EME2: variants seen among roughly 807,000 people sequenced by gnomAD.
EME2 encodes structure-specific endonuclease subunit EME2.
A neutral mutation model predicts 41.9 loss-of-function variants in EME2; 58 were observed. That is an observed-to-expected ratio of 1.38 (90% CI 1.12 to 1.72). The LOEUF (loss-of-function observed/expected upper bound fraction) is 1.72, where lower values mean the gene tolerates loss of function less well. EME2 is among the 40% of genes most tolerant of loss of function. The pLI, the probability that EME2 is intolerant of heterozygous loss-of-function variation, is 0.00. For synonymous variants in EME2, 334 were observed against 239.3 expected (o/e 1.40, Z -3.65); for missense variants, 695 against 541.9 (o/e 1.28, Z -2.81).
At chr16:1,773,910 G>C in intron 2 of EME2, 69 bp downstream of exon 2, 1 of 1,473,556 alleles carries the variant, frequency 6.8e-7, no homozygotes, top group Non-Finnish European at 9.0e-7. Flanking sequence ...TTCAGCCCTG[G>C]AGCTGTCCCT....
chr16:1,774,255 C>T lies in EME2; in HGVS notation c.385-5C>T. 2 of 1,612,348 alleles carry T rather than the reference C, an allele frequency of 1.2e-6. No individual in the cohort carries two copies. The highest frequency in any genetic ancestry group is 1.1e-5 in the South Asian group (1 of 91,070). On this transcript the variant is annotated splice_region_variant and splice_polypyrimidine_tract_variant and intron_variant, in intron 2 of 7. Coordinates refer to ENST00000568449, the MANE Select transcript of EME2 (RefSeq NM_001257370.2). ...AGGCAGCAGCGCGTCCCCATGTCCC[C>T]ACAGCTGCCTCCTGAAGTGTGGGCT...
Position 1,778,723 on chromosome 16 carries a change from G to T in EME2, c.*2485G>T. On this transcript the variant is annotated 3_prime_UTR_variant, in exon 8 of 8. Coordinates refer to ENST00000568449, the MANE Select transcript of EME2 (RefSeq NM_001257370.2). ...CTGACCCACCCAGGAAAGGATGGGG[G>T]TCCAGGCCTCCAGGGACTTCACAGT... The T allele has an allele frequency of 8.0e-7, 1 of 1,254,868 alleles. No individual in the cohort carries two copies. The highest frequency in any genetic ancestry group is 1.1e-6 in the Non-Finnish European group (1 of 930,274). The allele number at this position is 1,254,868 out of a possible 1,614,324, so 77.7% of individuals were successfully genotyped here. A position where few individuals can be genotyped will look rare whatever the true frequency, so the allele number is the denominator to read the frequency against.
chr16:1,774,264 C>T lies in EME2; in HGVS notation c.389C>T (p.Pro130Leu), dbSNP rs780342111. The T allele has an allele frequency of 4.3e-6, 7 of 1,612,560 alleles. No individual in the cohort carries two copies. Among genetic ancestry groups the T allele is most frequent in the Admixed American group, 1.7e-5 (1 of 60,000 alleles). ...ASPDPCPRSL[P>L]PEVWAAGEQE... ...CGCGTCCCCATGTCCCCACAGCTGC[C>T]TCCTGAAGTGTGGGCTGCAGGTGAA... is the stretch of plus-strand genomic sequence containing the variant. Residue 130 changes from proline to leucine, a missense_variant, in exon 3 of 8, where the codon CCT becomes CTT. By Grantham distance (98) the Pro-to-Leu change is moderately conservative (BLOSUM62 -3). Transcript: ENST00000568449.
Position 1,773,167 on chromosome 16 carries a change from C to G in EME2, c.-61C>G, listed in dbSNP as rs1386845909. 7.1e-7 allele frequency: 1 copy of G among 1,412,000 alleles called. No homozygotes were observed. The highest frequency in any genetic ancestry group is 9.2e-7 in the Non-Finnish European group (1 of 1,090,466). The allele number at this position is 1,412,000 out of a possible 1,614,324, so 87.5% of individuals were successfully genotyped here. Reference sequence around the variant, plus strand: ...TCCGGCCGGAAGTCACCGGAAGAGGCCGGTGTCCCAGGCTAAAGTGTTCGG... The same window carrying G: ...TCCGGCCGGAAGTCACCGGAAGAGGGCGGTGTCCCAGGCTAAAGTGTTCGG... On this transcript the variant is annotated 5_prime_UTR_variant, in exon 1 of 8. Coordinates refer to ENST00000568449, the MANE Select transcript of EME2 (RefSeq NM_001257370.2).
In EME2 at chr16:1,776,493, C is replaced by T. The variant is rs1567228847; in HGVS notation, c.*255C>T. 2.2e-6 allele frequency: 1 copy of T among 457,658 alleles called. No homozygotes were observed. The highest frequency in any genetic ancestry group is 3.9e-6 in the Non-Finnish European group (1 of 256,362). 28.3% of individuals were successfully genotyped at this position (457,658 alleles called of 1,614,324 possible). ...AACACGTAGGCCCCAGGGGAGGCCT[C>T]AGCAGCAGGGCTGTGCCCCCCCAAC... On this transcript the variant is annotated 3_prime_UTR_variant, in exon 8 of 8. Transcript: ENST00000568449.
At position 1,775,369 on chromosome 16, in the gene EME2, C is replaced by T. The variant is rs373784892; in HGVS notation, c.624C>T (p.Ala208=). 9.9e-6 allele frequency: 16 copies of T among 1,610,326 alleles called. No homozygotes were observed. The highest frequency in any genetic ancestry group is 4.0e-5 in the African/African-American group (3 of 74,924). Residue 208 remains alanine (A), a synonymous_variant, in exon 5 of 8, where the codon GCC becomes GCT. Coordinates refer to ENST00000568449, the MANE Select transcript of EME2 (RefSeq NM_001257370.2). ...GTQQPESPKV[A]GAEVAVSWPE... is the part of the protein sequence containing the mutation. ...AGCAGCCAGAGAGCCCGAAGGTGGC[C>T]GGTGCCGAGGTGGCCGTCAGCTGGC...
In EME2 at chr16:1,776,296, G is replaced by A; in HGVS notation, c.*58G>A. On this transcript the variant is annotated 3_prime_UTR_variant, in exon 8 of 8. Transcript: ENST00000568449. ...CTTGGGGACAGACCAGACACCCTGG[G>A]CGGTGGGGGAGGACCCCCAGCCACA... 2 of 1,571,618 alleles carry A rather than the reference G, an allele frequency of 1.3e-6. No homozygotes were observed. The highest frequency in any genetic ancestry group is 1.7e-6 in the Non-Finnish European group (2 of 1,150,828).
In EME2 at chr16:1,776,334, G is replaced by A. The variant is rs1482145804; in HGVS notation, c.*96G>A. Reference sequence around the variant, plus strand: ...ACCCCCAGCCACATGTGGACCCTCAGCCTGGGTGGGTTCTCTGGCTGAGCA... The same window carrying A: ...ACCCCCAGCCACATGTGGACCCTCAACCTGGGTGGGTTCTCTGGCTGAGCA... On this transcript the variant is annotated 3_prime_UTR_variant, in exon 8 of 8. Coordinates refer to ENST00000568449, the MANE Select transcript of EME2 (RefSeq NM_001257370.2). The A allele has an allele frequency of 1.5e-6, 2 of 1,318,564 alleles. No homozygotes were observed. Among genetic ancestry groups the A allele is most frequent in the Admixed American group, 3.9e-5 (2 of 50,800 alleles). 81.7% of individuals were successfully genotyped at this position (1,318,564 alleles called of 1,614,324 possible).
chr16:1,773,191 G>C lies in EME2; in HGVS notation c.-37G>C. The C allele has an allele frequency of 7.0e-7, 1 of 1,435,038 alleles. No individual in the cohort carries two copies. Among genetic ancestry groups the C allele is most frequent in the Non-Finnish European group, 9.1e-7 (1 of 1,103,176 alleles). 88.9% of individuals were successfully genotyped at this position (1,435,038 alleles called of 1,614,324 possible). On this transcript the variant is annotated 5_prime_UTR_variant, in exon 1 of 8. Coordinates refer to ENST00000568449, the MANE Select transcript of EME2 (RefSeq NM_001257370.2). Reference sequence around the variant, plus strand: ...GCCGGTGTCCCAGGCTAAAGTGTTCGGTCGCGGCCGGAAGCGAGGAAGAGG... The same window carrying C: ...GCCGGTGTCCCAGGCTAAAGTGTTCCGTCGCGGCCGGAAGCGAGGAAGAGG...
In EME2 at chr16:1,776,464, C is replaced by T; in HGVS notation, c.*226C>T. ...ATGGCTGGCGGTTCCTGTGCTGAGT[C>T]CTGAACACGTAGGCCCCAGGGGAGG... On this transcript the variant is annotated 3_prime_UTR_variant, in exon 8 of 8. Transcript: ENST00000568449. 1.9e-6 allele frequency: 1 copy of T among 527,352 alleles called. No individual in the cohort carries two copies. The allele number at this position is 527,352 out of a possible 1,614,324, so 32.7% of individuals were successfully genotyped here.
rs1355642448 is a variant in EME2, at chr16:1,778,078, G to T, written c.*1840G>T. 6.2e-7 allele frequency: 1 copy of T among 1,612,906 alleles called. No individual in the cohort carries two copies. Among genetic ancestry groups the T allele is most frequent in the East Asian group, 2.2e-5 (1 of 44,894 alleles). On this transcript the variant is annotated 3_prime_UTR_variant, in exon 8 of 8. Transcript: ENST00000568449. Reference sequence around the variant, plus strand: ...GAACAGGGGCCAGGCAGAGGGCGCGGGGCTGGGCTGCCGGAGCCAGGTTCC... The same window carrying T: ...GAACAGGGGCCAGGCAGAGGGCGCGTGGCTGGGCTGCCGGAGCCAGGTTCC...
At chr16:1,774,908 GA>G (rs1176267200) in intron 3 of EME2, 132 bp from the exon 4 acceptor site, 8 of 751,156 alleles carry the variant, frequency 1.1e-5, no homozygotes, top group Non-Finnish European at 1.8e-5. Context: ...AGGGGTAACG[GA>G]ACAGAGGCTC....
rs752266761 is a variant in EME2 at position 1,774,338 on chromosome 16, G to A, written c.463G>A (p.Ala155Thr). 36 of 1,612,536 alleles carry A rather than the reference G, an allele frequency of 2.2e-5. No homozygotes were observed. Among genetic ancestry groups the A allele is most frequent in the Middle Eastern group, 1.6e-4 (1 of 6,082 alleles). ...GCCCGAGGAGTTTCTGCAGGGCGTCGCCACACTGACCCAGGTGCTCGGGTG... is the reference window on the plus strand; with the variant it reads ...GCCCGAGGAGTTTCTGCAGGGCGTCACCACACTGACCCAGGTGCTCGGGTG... ...LEPEEFLQGV[A>T]TLTQISGPTH... The change falls in exon 3 of 8, where the codon GCC becomes ACC. Residue 155 changes from alanine (A) to threonine (T), a missense_variant. Coordinates refer to ENST00000568449, the MANE Select transcript of EME2 (RefSeq NM_001257370.2).
Position 1,778,681 on chromosome 16 carries a change from C to T in EME2, c.*2443C>T. 1 of 1,471,258 alleles carries T rather than the reference C, an allele frequency of 6.8e-7. No individual in the cohort carries two copies. The highest frequency in any genetic ancestry group is 9.0e-7 in the Non-Finnish European group (1 of 1,112,264). 91.1% of individuals were successfully genotyped at this position (1,471,258 alleles called of 1,614,324 possible). The stretch of plus-strand genomic sequence containing the variant: ...TACCCTCTCACCCTTGCCCTCTGTC[C>T]CTGTCCCACCCTGTCCCTGACCCAC... On this transcript the variant is annotated 3_prime_UTR_variant, in exon 8 of 8. Transcript: ENST00000568449.
intron 2 of EME2, 68 bp downstream of exon 2, chr16:1,773,909 G>C (rs920562527): frequency 1.4e-6 from 2 of 1,476,016 alleles, no homozygotes; most frequent in Non-Finnish European, 1.8e-6. Context: ...TTTCAGCCCT[G>C]GAGCTGTCCC....
chr16:1,775,734 TGCCTCCCCG>T (rs1567228158), intron 6 of EME2, 50 bp downstream of exon 6: 6 of 1,612,500 alleles, frequency 3.7e-6, no homozygotes. Context: ...AAGGTAGTGG[TGCCTCCCCG>T]GCCTTTTGGG....
chr16:1,774,232 G>A (rs752210020), intron 2 of EME2, 28 bp from the exon 3 acceptor site: 9 of 1,601,598 alleles, frequency 5.6e-6, no homozygotes, highest in Non-Finnish European at 6.8e-6. Flanking sequence ...GTTGAGACAG[G>A]CAGCAGCGCG....
Position 1,775,413 on chromosome 16 carries a change from GGGCC to G in EME2, c.663+6_663+9del. 6.2e-7 allele frequency: 1 copy of G among 1,612,484 alleles called. No homozygotes were observed. ...AGCTGGCCGGAGGTGGAAGAGGTGA[GGGCC>G]TGTCTGAGCTGGGTGAGTCAGGTGG... On this transcript the variant is annotated splice_donor_region_variant and intron_variant, in intron 5 of 7. Transcript: ENST00000568449.
rs927064848 is a variant in EME2, at chr16:1,777,676, G to A, written c.*1438G>A. 8 of 1,590,510 alleles carry A rather than the reference G, an allele frequency of 5.0e-6. No individual in the cohort carries two copies. The East Asian group carries it at 1.3e-4, about 27-fold the overall frequency. On this transcript the variant is annotated 3_prime_UTR_variant, in exon 8 of 8. Coordinates refer to ENST00000568449, the MANE Select transcript of EME2 (RefSeq NM_001257370.2). ...CTTTCAGAAAACCTCAGTGTCCCCT[G>A]GGCTGGGGCGGGGTGGCTGCCTCCC...
Sources: gnomAD v4.1 joint callset for allele counts on GRCh38, gnomAD v4.1.1 for gene constraint, MANE v1.5 for transcripts, NCBI Gene and HGNC (gene_info 2026-07-23, HGNC 2026-07-21) for gene names.